FRMD4B: variants seen among roughly 807,000 people sequenced by gnomAD.
The protein encoded by FRMD4B is FERM domain-containing protein 4B.
A neutral mutation model predicts 141.5 loss-of-function variants in FRMD4B; 74 were observed. The observed-to-expected ratio is 0.52, with a 90% CI of 0.43 to 0.63. The LOEUF is 0.63. FRMD4B is among the 30% of genes least tolerant of loss of function. The pLI is 0.00. For synonymous variants in FRMD4B, 506 were observed against 467.9 expected, an observed-to-expected ratio of 1.08 and a Z score of -1.05; for missense variants, 1,366 against 1,253.4, an observed-to-expected ratio of 1.09 and a Z score of -1.36.
intron 1 of FRMD4B, among the ~76,000 whole-genome samples, chr3:69,448,147 AGCC>A (rs1222989178): frequency 1.3e-5 from 2 of 151,840 alleles, no homozygotes; most frequent in Non-Finnish European, 2.9e-5. Flanking sequence ...CTCGTGGCTC[AGCC>A]TCCCAAGTAG....
rs141324700 is a variant in FRMD4B at position 69,424,382 on chromosome 3, C to G, written c.-1+8252G>C. 6.2e-4 allele frequency among the ~76,000 whole-genome samples: 94 copies of G among 152,300 alleles called. 1 individual carries two copies. The highest frequency in any genetic ancestry group is 2.2e-3 in the African/African-American group (90 of 41,584). ...GATCATGGCTCACTGCAGCATCGAA[C>G]TCCTGGACTCAAGCGATCTTCCCGC... On this transcript the variant is annotated intron_variant, in intron 2 of 5. Coordinates refer to the FRMD4B transcript ENST00000459638.
chr3:69,180,102 T>C (rs2092688450), intron 21 of FRMD4B, among the ~76,000 whole-genome samples: 1 of 152,008 alleles, frequency 6.6e-6, no homozygotes, highest in Admixed American at 6.6e-5. Context: ...AATACTGAAT[T>C]ACAATATGCA....
At chr3:69,479,403 T>C (rs1327356633) in intron 1 of FRMD4B, among the ~76,000 whole-genome samples, 2 of 152,096 alleles carry the variant, frequency 1.3e-5, no homozygotes, top group African/African-American at 4.8e-5. Flanking sequence ...GCAGGCCTGG[T>C]GGTGACAAAA....
chr3:69,247,908 C>T (rs928377080), intron 7 of FRMD4B, among the ~76,000 whole-genome samples: 2 of 152,204 alleles, frequency 1.3e-5, no homozygotes, highest in Non-Finnish European at 2.9e-5. Context: ...CTCAGCCTCT[C>T]AAAGTGCTGG....
rs190829845 is a variant in FRMD4B at position 69,418,430 on chromosome 3, C to A, written c.-1+14204G>T. On this transcript the variant is annotated intron_variant, in intron 2 of 5. Coordinates refer to the FRMD4B transcript ENST00000459638. The stretch of plus-strand genomic sequence containing the variant: ...GCCAGGGCTTGTATCTGCTTCTAGC[C>A]AAGAGAAGATGGCAAAGATGATGGG... Among the ~76,000 whole-genome samples, 324 of 152,206 alleles carry A rather than the reference C, an allele frequency of 2.1e-3. 2 individuals carry two copies. Among genetic ancestry groups the A allele is most frequent in the African/African-American group, 7.4e-3 (306 of 41,516 alleles).
chr3:69,288,300 T>C lies in FRMD4B; in HGVS notation c.417-464A>G, dbSNP rs539358030. Among the ~76,000 whole-genome samples the C allele has an allele frequency of 2.7e-3, 410 of 152,368 alleles. 2 individuals carry two copies. Among genetic ancestry groups the C allele is most frequent in the African/African-American group, 9.3e-3 (387 of 41,598 alleles). ...TAGACGGAGGGGCCTGAGGGCCCCA[T>C]GCCTACCTGACCCCCATTCACTGGG... is the stretch of plus-strand genomic sequence containing the variant. On this transcript the variant is annotated intron_variant, in intron 4 of 22. Coordinates refer to ENST00000398540, the MANE Select transcript of FRMD4B (RefSeq NM_015123.3).
At chr3:69,447,125 G>A (rs1390557316) in intron 1 of FRMD4B, among the ~76,000 whole-genome samples, 3 of 152,222 alleles carry the variant, frequency 2.0e-5, no homozygotes. Flanking sequence ...ATCAAATGAA[G>A]GTAATTCCAC....
intron 1 of FRMD4B, among the ~76,000 whole-genome samples, chr3:69,380,522 G>T (rs1704088633): frequency 2.0e-5 from 3 of 152,178 alleles, no homozygotes; most frequent in Non-Finnish European, 4.4e-5. Context: ...GTTCCGTCAT[G>T]AATTTCTCAC....
chr3:69,348,077 G>C (rs1286579936), intron 1 of FRMD4B, among the ~76,000 whole-genome samples: 10 of 152,142 alleles, frequency 6.6e-5, no homozygotes, highest in Non-Finnish European at 1.5e-4. Flanking sequence ...AAAATTGATA[G>C]ACTGCTAGCA....
intron 6 of FRMD4B, among the ~76,000 whole-genome samples, chr3:69,249,564 G>C (rs1348789001): frequency 1.3e-5 from 2 of 152,206 alleles, no homozygotes; most frequent in Non-Finnish European, 2.9e-5. Context: ...TTTTAGACTG[G>C]AGGAAGACCT....
chr3:69,446,009 G>T (rs750645852), intron 1 of FRMD4B, among the ~76,000 whole-genome samples: 1 of 152,074 alleles, frequency 6.6e-6, no homozygotes, highest in Non-Finnish European at 1.5e-5. Flanking sequence ...TTTGTCAAAT[G>T]AATGTATGTG....
intron 1 of FRMD4B, among the ~76,000 whole-genome samples, chr3:69,454,718 A>T (rs1044421986): frequency 6.6e-6 from 1 of 152,196 alleles, no homozygotes; most frequent in Non-Finnish European, 1.5e-5. Flanking sequence ...TGAGCCCCGC[A>T]GTGGGCTCTG....
chr3:69,212,359 C>CAAAAAAAAAAAAAAAA (rs869309749), intron 11 of FRMD4B, among the ~76,000 whole-genome samples: 2 of 25,344 alleles, frequency 7.9e-5, no homozygotes, highest in Admixed American at 8.5e-4. Context: ...AACCCCGTCT[C>CAAAAAAAAAAAAAAAA]AAAAAAAAAA....
intron 5 of FRMD4B, among the ~76,000 whole-genome samples, chr3:69,272,761 A>G (rs2093601298): frequency 6.6e-6 from 1 of 152,240 alleles, no homozygotes; most frequent in Admixed American, 6.5e-5. Context: ...ACAGTAATGG[A>G]CCAGTTACAG....
intron 1 of FRMD4B, among the ~76,000 whole-genome samples, chr3:69,509,233 TA>T (rs1706647942): frequency 6.6e-6 from 1 of 152,166 alleles, no homozygotes; most frequent in South Asian, 2.1e-4. Flanking sequence ...ACCATTTTAT[TA>T]CCTCCCCTGG....
At chr3:69,390,290 G>C (rs899003734), upstream of FRMD4B, among the ~76,000 whole-genome samples, 6 of 152,156 alleles carry the variant, frequency 3.9e-5, no homozygotes, top group African/African-American at 1.4e-4. Flanking sequence ...CTAGACACCT[G>C]AAAAACTAGT....
intron 1 of FRMD4B, chr3:69,472,233 G>A (rs914216186): frequency 6.4e-6 from 2 of 311,180 alleles, no homozygotes; most frequent in Non-Finnish European, 1.3e-5. Context: ...TAAAATGAGA[G>A]ACTGTGAGTT....
chr3:69,384,077 G>C (rs1286009313), intron 1 of FRMD4B, among the ~76,000 whole-genome samples: 2 of 151,942 alleles, frequency 1.3e-5, no homozygotes, highest in Non-Finnish European at 2.9e-5. Flanking sequence ...TGGGATTATA[G>C]ACACACAGCA....
chr3:69,414,865 T>TG (rs1312492963), intron 2 of FRMD4B, among the ~76,000 whole-genome samples: 1 of 146,496 alleles, frequency 6.8e-6, no homozygotes, highest in Non-Finnish European at 1.5e-5. Flanking sequence ...CAAGCTGTTT[T>TG]TTTTTTTTTT....
Sources: allele counts gnomAD v4.1 joint callset (sites outside exome capture counted in the v4.1 genomes callset), GRCh38; gene constraint gnomAD v4.1.1; transcripts MANE v1.5; gene names NCBI Gene and HGNC (gene_info 2026-07-23, HGNC 2026-07-21).